The following FOXR1 variants were observed in gnomAD, a reference collection of about 807,000 sequenced individuals.
FOXR1 encodes the protein forkhead box R1.
FOXR1 carries 25 observed loss-of-function variants against 34.5 expected under a neutral mutation model. The observed-to-expected ratio is 0.72, with a 90% CI of 0.53 to 1.01. The LOEUF is 1.01. FOXR1 is among the 50% of genes least tolerant of loss of function. The probability of loss-of-function intolerance (pLI) is 0.00; values close to 1 mark genes in which losing one functional copy is unlikely to be tolerated. For missense variants in FOXR1, 373 were observed against 376.2 expected, an observed-to-expected ratio of 0.99 and a Z score of 0.07; for synonymous variants, 153 against 141.6, an observed-to-expected ratio of 1.08 and a Z score of -0.57.
intron 1 of FOXR1, among the ~76,000 whole-genome samples, chr11:118,976,003 G>A (rs1443581276): frequency 6.6e-6 from 1 of 152,184 alleles, no homozygotes; most frequent in African/African-American, 2.4e-5. Flanking sequence ...TAATTCAGTG[G>A]ACTGGTGACC....
At chr11:118,972,110 G>T in intron 1 of FOXR1, 118 bp downstream of exon 1, 1 of 802,840 alleles carries the variant, frequency 1.2e-6, no homozygotes, top group Non-Finnish European at 1.8e-6. Context: ...GGGGAGGCTT[G>T]GGGGGCCGAG....
rs1359304374 is a variant in FOXR1 at position 118,981,124 on chromosome 11, A to G, written c.851-84A>G. ...TTTGAGCCTTGAGTGAAAGAAGCAG[A>G]TGACCTGCTATGAGAGAGCATCCCA... On this transcript the variant is annotated intron_variant, in intron 5 of 5. Transcript: ENST00000317011. 7.4e-6 allele frequency: 10 copies of G among 1,345,606 alleles called. No individual in the cohort carries two copies. In the African/African-American group the frequency reaches 1.4e-4, roughly 19 times the overall value. 83.4% of individuals were successfully genotyped at this position (1,345,606 alleles called of 1,614,324 possible). A position where few individuals can be genotyped will look rare whatever the true frequency, so the allele number is the denominator to read the frequency against.
chr11:118,981,212 G>C lies in FOXR1; in HGVS notation c.855G>C (p.Val285=). The C allele has an allele frequency of 6.2e-7, 1 of 1,614,122 alleles. No individual in the cohort carries two copies. The highest frequency in any genetic ancestry group is 8.5e-7 in the Non-Finnish European group (1 of 1,180,008). The change falls in exon 6 of 6, where the codon GTG becomes GTC. Residue 285 remains valine (V), a synonymous_variant. Transcript: ENST00000317011. ...SIQQCMSQPD[V]MPFLFDL is the part of the protein sequence containing the mutation. ...AACTCTCTCCTTTTCTTACAGATGT[G>C]ATGCCCTTCCTCTTTGATCTTTAAC...
intron 1 of FOXR1, among the ~76,000 whole-genome samples, chr11:118,976,945 T>C (rs1354029368): frequency 6.6e-6 from 1 of 152,190 alleles, no homozygotes; most frequent in African/African-American, 2.4e-5. Context: ...GAGCTCTCTA[T>C]GTATCAGAGA....
At position 118,980,501 on chromosome 11, in the gene FOXR1, C is replaced by A; in HGVS notation, c.623C>A (p.Pro208His). 6.2e-7 allele frequency: 1 copy of A among 1,614,230 alleles called. No homozygotes were observed. Among genetic ancestry groups the A allele is most frequent in the South Asian group, 1.1e-5 (1 of 91,084 alleles). ...QIYSFTRKHFPFFRTAPEGWK... is the reference protein window; with the variant it reads ...QIYSFTRKHFHFFRTAPEGWK... ...CTCCCTGTCCATAGAAAGCACTTCC[C>A]CTTTTTCCGGACGGCCCCGGAAGGC... Residue 208 changes from proline to histidine, a missense_variant, in exon 5 of 6, where the codon CCC becomes CAC. Transcript: ENST00000317011.
chr11:118,980,001 C>A (rs1200654628), intron 4 of FOXR1, among the ~76,000 whole-genome samples: 3 of 152,140 alleles, frequency 2.0e-5, no homozygotes, highest in African/African-American at 7.2e-5. Flanking sequence ...CCCAACGGTT[C>A]CCACCTGCTT....
At chr11:118,981,135 T>C (rs1306464531) in intron 5 of FOXR1, 73 bp from the exon 6 acceptor site, 1 of 1,474,422 alleles carries the variant, frequency 6.8e-7, no homozygotes, top group African/African-American at 1.4e-5. Context: ...TGACCTGCTA[T>C]GAGAGAGCAT....
At chr11:118,979,241 G>A (rs1417418044) in intron 3 of FOXR1, 37 bp downstream of exon 3, 3 of 1,507,338 alleles carry the variant, frequency 2.0e-6, no homozygotes. Context: ...GACTTGGGCA[G>A]TAGGCGAGGG....
At chr11:118,977,713 A>G (rs1184260638) in intron 1 of FOXR1, among the ~76,000 whole-genome samples, 1 of 152,212 alleles carries the variant, frequency 6.6e-6, no homozygotes, top group Admixed American at 6.5e-5. Context: ...TAATATAATG[A>G]CACTCATAGG....
At chr11:118,977,185 C>T (rs2134483240) in intron 1 of FOXR1, among the ~76,000 whole-genome samples, 1 of 152,204 alleles carries the variant, frequency 6.6e-6, no homozygotes, top group African/African-American at 2.4e-5. Flanking sequence ...TACACACCAC[C>T]AAGCCCGGCT....
intron 1 of FOXR1, among the ~76,000 whole-genome samples, chr11:118,972,583 C>A (rs1941725051): frequency 1.3e-5 from 2 of 151,150 alleles, no homozygotes; most frequent in Admixed American, 1.3e-4. Flanking sequence ...TTCATGGTAC[C>A]TTTTCGCCTG....
chr11:118,973,388 G>A (rs1345930376), intron 1 of FOXR1, among the ~76,000 whole-genome samples: 1 of 152,060 alleles, frequency 6.6e-6, no homozygotes, highest in Non-Finnish European at 1.5e-5. Context: ...AATAGGGGAA[G>A]GGTGTGGTGG....
Position 118,981,234 on chromosome 11 carries a change from T to C in FOXR1, c.877T>C (p.Ter293GlnextTer8). 1.2e-6 allele frequency: 2 copies of C among 1,614,112 alleles called. No homozygotes were observed. Among genetic ancestry groups the C allele is most frequent in the Non-Finnish European group, 1.7e-6 (2 of 1,179,968 alleles). ...PDVMPFLFDL* is the reference protein window; with the variant it reads ...PDVMPFLFDLQ ...TGTGATGCCCTTCCTCTTTGATCTT[T>C]AACCCCAAGAAGCAACAGCCAGCTA... Residue 293 changes from the stop codon to glutamine (Q), a stop_lost, in exon 6 of 6, where the codon TAA (stop) becomes CAA (glutamine). Transcript: ENST00000317011.
intron 1 of FOXR1, among the ~76,000 whole-genome samples, chr11:118,975,564 C>T (rs1941770300): frequency 1.3e-5 from 2 of 151,920 alleles, no homozygotes; most frequent in Admixed American, 6.6e-5. Flanking sequence ...CCTCCTGCCT[C>T]AGCTTTCCAA....
chr11:118,974,303 C>A (rs577879693), intron 1 of FOXR1, among the ~76,000 whole-genome samples: 1 of 152,234 alleles, frequency 6.6e-6, no homozygotes, highest in Non-Finnish European at 1.5e-5. Flanking sequence ...CCTCCAGGCT[C>A]AAGCAATGCT....
rs144422939 is a variant in FOXR1 at position 118,979,170 on chromosome 11, G to A, written c.350G>A (p.Arg117Gln). Reference protein sequence around the residue: ...SQSSSKRSPPRKRFAFSPSTW... With the variant: ...SQSSSKRSPPQKRFAFSPSTW... ...TCCTCCAGCAAGCGGTCTCCCCCTC[G>A]GAAGCGGTTTGCCTTTTCCCCCAGC... Residue 117 changes from arginine (R) to glutamine (Q), a missense_variant, in exon 3 of 6, where the codon CGG becomes CAG. Physicochemically the swap from Arg to Gln is conservative, Grantham distance 43. Transcript: ENST00000317011. 8.4e-6 allele frequency: 13 copies of A among 1,543,104 alleles called. No individual in the cohort carries two copies. Among genetic ancestry groups the A allele is most frequent in the East Asian group, 4.5e-5 (2 of 44,404 alleles).
intron 1 of FOXR1, among the ~76,000 whole-genome samples, chr11:118,972,886 C>T (rs1364962826): frequency 6.6e-6 from 1 of 151,466 alleles, no homozygotes; most frequent in African/African-American, 2.5e-5. Flanking sequence ...CGCCCCCGGC[C>T]TTAACTCTTC....
chr11:118,980,457 A>G (rs1941841264), intron 4 of FOXR1, 33 bp from the exon 5 acceptor site: 1 of 1,608,892 alleles, frequency 6.2e-7, no homozygotes, highest in Non-Finnish European at 8.5e-7. Context: ...CAGACATAAC[A>G]TGCCTTTCCT....
At chr11:118,972,500 A>G (rs1941723427) in intron 1 of FOXR1, among the ~76,000 whole-genome samples, 1 of 151,906 alleles carries the variant, frequency 6.6e-6, no homozygotes, top group African/African-American at 2.4e-5. Context: ...TTAGTTGACC[A>G]TCGCGATCTT....
Sources: gnomAD v4.1 joint callset for allele counts (sites outside exome capture counted in the v4.1 genomes callset) on GRCh38, gnomAD v4.1.1 for gene constraint, MANE v1.5 for transcripts, NCBI Gene and HGNC (gene_info 2026-07-23, HGNC 2026-07-21) for gene names.